The following PLSCR2 variants were observed in gnomAD, a reference collection of about 807,000 sequenced individuals.
PLSCR2 encodes the protein PL scramblase 2.
PLSCR2 carries 18 observed loss-of-function variants against 25.3 expected under a neutral mutation model. The observed-to-expected ratio is 0.71, with a 90% confidence interval of 0.49 to 1.06. The LOEUF (loss-of-function observed/expected upper bound fraction) is 1.06. Among genes scored for constraint, PLSCR2 ranks in the 50% least tolerant of loss-of-function variants. The probability of loss-of-function intolerance (pLI) is 0.00; values close to 1 mark genes in which losing one functional copy is unlikely to be tolerated. For missense variants in PLSCR2, 243 were observed against 269.5 expected (o/e 0.90, Z 0.69); for synonymous variants, 88 against 87.3 (o/e 1.01, Z -0.04).
At chr3:146,461,862 C>A (rs1157920173), upstream of PLSCR2, 1 of 1,258,696 alleles carries the variant, frequency 7.9e-7, no homozygotes, top group South Asian at 1.3e-5. Flanking sequence ...AGAGTGAGTT[C>A]CATGATCTCA....
intron 2 of PLSCR2, among the ~76,000 whole-genome samples, chr3:146,424,554 T>A (rs1257550191): frequency 6.6e-6 from 1 of 152,162 alleles, no homozygotes; most frequent in Non-Finnish European, 1.5e-5. Context: ...AATAAAATCC[T>A]AATATAAATC....
chr3:146,483,434 TATATATATACAC>T, intron 1 of PLSCR2, among the ~76,000 whole-genome samples: 1 of 81,066 alleles, frequency 1.2e-5, no homozygotes, highest in Admixed American at 1.3e-4. Context: ...ACTTAATATA[TATATATATACAC>T]ATGTATGTAT....
At chr3:146,456,672 T>G (rs2041240335) in intron 3 of PLSCR2, among the ~76,000 whole-genome samples, 2 of 152,334 alleles carry the variant, frequency 1.3e-5, no homozygotes, top group South Asian at 4.1e-4. Context: ...TAGCATCTAT[T>G]AACTTTTCAG....
chr3:146,403,478 C>T (rs1230120728), intron 2 of PLSCR2, among the ~76,000 whole-genome samples: 11 of 152,150 alleles, frequency 7.2e-5, no homozygotes, highest in Admixed American at 6.5e-4. Context: ...GCTGCTGTTC[C>T]AGGGACCACA....
intron 1 of PLSCR2, among the ~76,000 whole-genome samples, chr3:146,493,549 G>A (rs1424500545): frequency 6.6e-6 from 1 of 152,000 alleles, no homozygotes; most frequent in Non-Finnish European, 1.5e-5. Context: ...CATTTCAATA[G>A]ACATAAAAAA....
In PLSCR2 at chr3:146,469,487, C is replaced by T. The variant is rs1560040238; in HGVS notation, c.-292-9203G>A. 2.0e-6 allele frequency: 2 copies of T among 982,952 alleles called. No individual in the cohort carries two copies. Among genetic ancestry groups the T allele is most frequent in the African/African-American group, 3.5e-5 (2 of 57,160 alleles). 60.9% of individuals were successfully genotyped at this position (982,952 alleles called of 1,614,324 possible). On this transcript the variant is annotated intron_variant, in intron 1 of 8. Transcript: ENST00000336685. ...ATAGGGAGGCGACTGAGAAAGCCGCCCCCTTACCCGTGGCTGCAGCTGCTC... is the reference window on the plus strand; with the variant it reads ...ATAGGGAGGCGACTGAGAAAGCCGCTCCCTTACCCGTGGCTGCAGCTGCTC...
At chr3:146,464,715 G>C (rs2041782228), upstream of PLSCR2, among the ~76,000 whole-genome samples, 1 of 152,068 alleles carries the variant, frequency 6.6e-6, no homozygotes, top group South Asian at 2.1e-4. Flanking sequence ...GATAAATTTG[G>C]AGTAAATTGA....
intron 5 of PLSCR2, among the ~76,000 whole-genome samples, chr3:146,451,176 G>A (rs558785001): frequency 1.4e-5 from 2 of 140,934 alleles, no homozygotes; most frequent in South Asian, 2.4e-4. Context: ...GTGCAACGGC[G>A]CGATCTCCGC....
At chr3:146,441,753 C>T (rs750442681), downstream of PLSCR2, 3 of 1,473,770 alleles carry the variant, frequency 2.0e-6, no homozygotes, top group South Asian at 3.5e-5. Flanking sequence ...TCTGAGGAGA[C>T]TTACATTAAT....
chr3:146,454,216 T>C, intron 4 of PLSCR2, 53 bp from the exon 5 acceptor site: 1 of 1,235,042 alleles, frequency 8.1e-7, no homozygotes, highest in Non-Finnish European at 1.1e-6. Flanking sequence ...TAAAAATATC[T>C]AATAATAGCT....
chr3:146,449,510 T>C, intron 5 of PLSCR2, 143 bp from the exon 6 acceptor site: 1 of 511,558 alleles, frequency 2.0e-6, no homozygotes, highest in Non-Finnish European at 3.4e-6. Context: ...TTATATTAGA[T>C]GCATATAGGC....
intron 6 of PLSCR2, among the ~76,000 whole-genome samples, chr3:146,444,381 T>C (rs1576640515): frequency 6.6e-6 from 1 of 151,952 alleles, no homozygotes; most frequent in African/African-American, 2.4e-5. Flanking sequence ...CCAGCTGTTA[T>C]TGTATTGGGG....
intron 5 of PLSCR2, among the ~76,000 whole-genome samples, chr3:146,450,416 T>G (rs889294135): frequency 6.6e-6 from 1 of 152,236 alleles, no homozygotes; most frequent in Non-Finnish European, 1.5e-5. Context: ...TATAAAACTG[T>G]GATTGCTATG....
At chr3:146,418,471 C>G (rs1403396993) in intron 2 of PLSCR2, among the ~76,000 whole-genome samples, 1 of 152,124 alleles carries the variant, frequency 6.6e-6, no homozygotes, top group Non-Finnish European at 1.5e-5. Context: ...TTACTCTTTT[C>G]ATAACACAAT....
intron 2 of PLSCR2, among the ~76,000 whole-genome samples, chr3:146,423,234 C>CCTCTCTCTCTCTCTCT (rs200145864): frequency 1.9e-5 from 1 of 53,476 alleles, no homozygotes; most frequent in African/African-American, 7.1e-5. Flanking sequence ...CCTTGCAGTG[C>CCTCTCTCTCTCTCTCT]CTCTCTCTCT....
chr3:146,449,150 T>G (rs2040740401), intron 6 of PLSCR2, 56 bp downstream of exon 6: 2 of 1,232,166 alleles, frequency 1.6e-6, no homozygotes, highest in Non-Finnish European at 2.3e-6. Context: ...ATTGAAGTAT[T>G]TCAGAATGAT....
At position 146,412,921 on chromosome 3, in the gene PLSCR2, C is replaced by T. The variant is rs139289862; in HGVS notation, c.101-17000G>A. Among the ~76,000 whole-genome samples, 306 of 152,086 alleles carry T rather than the reference C, an allele frequency of 2.0e-3. 1 individual carries two copies. Among genetic ancestry groups the T allele is most frequent in the African/African-American group, 6.9e-3 (287 of 41,480 alleles). ...ATTCAGGTCAGAGCAGATGACCAGG[C>T]GAACAGATGTGAACTACTGATTAGA... On this transcript the variant is annotated intron_variant and NMD_transcript_variant, in intron 2 of 3. Coordinates refer to the PLSCR2 transcript ENST00000463633.
chr3:146,407,175 A>G (rs1015010868), intron 2 of PLSCR2, among the ~76,000 whole-genome samples: 1 of 152,100 alleles, frequency 6.6e-6, no homozygotes, highest in Non-Finnish European at 1.5e-5. Flanking sequence ...ACCTACCTAG[A>G]GCTCTGGGGT....
At chr3:146,470,928 T>G (rs939297515) in intron 1 of PLSCR2, among the ~76,000 whole-genome samples, 1 of 152,182 alleles carries the variant, frequency 6.6e-6, no homozygotes, top group East Asian at 1.9e-4. Flanking sequence ...TTATGATGAT[T>G]AAGGAAGTTA....
Sources: allele counts gnomAD v4.1 joint callset (sites outside exome capture counted in the v4.1 genomes callset), GRCh38; gene constraint gnomAD v4.1.1; transcripts MANE v1.5; gene names NCBI Gene and HGNC (gene_info 2026-07-23, HGNC 2026-07-21).